AUH: variants seen among roughly 807,000 people sequenced by gnomAD.
The protein encoded by AUH is AU RNA binding methylglutaconyl-CoA hydratase, also known as methylglutaconyl-CoA hydratase, mitochondrial.
AUH carries 29 observed loss-of-function variants against 42.3 expected under a neutral mutation model. The observed-to-expected ratio is 0.69, with a 90% confidence interval of 0.51 to 0.93. The LOEUF (loss-of-function observed/expected upper bound fraction) is 0.93, where lower values mean the gene tolerates loss of function less well. Ranked by LOEUF, AUH falls within the 40% of genes least tolerant of loss-of-function variation. AUH has a pLI of 0.00. For missense variants in AUH, 452 were observed against 438.1 expected (o/e 1.03, Z -0.28); for synonymous variants, 174 against 166.4 (o/e 1.05, Z -0.35).
chr9:91,315,943 T>TA (rs1466002943), intron 4 of AUH, among the ~76,000 whole-genome samples: 3 of 152,238 alleles, frequency 2.0e-5, no homozygotes, highest in Admixed American at 6.5e-5. Context: ...ATTAGTTTTA[T>TA]AAAAAATAAG....
chr9:91,297,746 C>T (rs1382654265), intron 5 of AUH, among the ~76,000 whole-genome samples: 7 of 152,074 alleles, frequency 4.6e-5, no homozygotes, highest in African/African-American at 7.2e-5. Context: ...GTGCAAGCCA[C>T]GCGCCTGGTC....
chr9:91,354,554 C>A (rs903723755), intron 3 of AUH, among the ~76,000 whole-genome samples: 5 of 152,076 alleles, frequency 3.3e-5, no homozygotes, highest in Non-Finnish European at 7.4e-5. Flanking sequence ...ATGCAGAAAT[C>A]TAGAACAAAT....
intron 3 of AUH, among the ~76,000 whole-genome samples, chr9:91,334,492 A>C (rs995283337): frequency 6.6e-6 from 1 of 152,140 alleles, no homozygotes; most frequent in African/African-American, 2.4e-5. Flanking sequence ...CTAGATTTAC[A>C]CTGGCTCCCA....
chr9:91,228,105 T>C (rs1208589021), intron 6 of AUH, among the ~76,000 whole-genome samples: 2 of 152,198 alleles, frequency 1.3e-5, no homozygotes, highest in Admixed American at 1.3e-4. Context: ...TTTCTATTGA[T>C]TGGCATAGTT....
intron 6 of AUH, among the ~76,000 whole-genome samples, chr9:91,260,801 C>T (rs1338689479): frequency 6.6e-6 from 1 of 152,104 alleles, no homozygotes; most frequent in African/African-American, 2.4e-5. Flanking sequence ...AGGCTCTGTT[C>T]GTTATAGTTT....
intron 6 of AUH, among the ~76,000 whole-genome samples, chr9:91,283,040 G>A (rs1826102489): frequency 6.6e-6 from 1 of 152,212 alleles, no homozygotes; most frequent in Non-Finnish European, 1.5e-5. Context: ...TATCCCTGAT[G>A]AACATCGGTG....
At chr9:91,257,841 T>C (rs1829489940) in intron 6 of AUH, among the ~76,000 whole-genome samples, 1 of 152,222 alleles carries the variant, frequency 6.6e-6, no homozygotes, top group African/African-American at 2.4e-5. Flanking sequence ...ATCTACAGAT[T>C]AGTTCAAAGA....
At chr9:91,353,377 G>T (rs138684654) in intron 3 of AUH, among the ~76,000 whole-genome samples, 2 of 152,152 alleles carry the variant, frequency 1.3e-5, no homozygotes, top group African/African-American at 4.8e-5. Context: ...GAGCCACCGC[G>T]CCCAGCAGAG....
chr9:91,239,337 T>C (rs1210832384), intron 6 of AUH, among the ~76,000 whole-genome samples: 1 of 152,214 alleles, frequency 6.6e-6, no homozygotes, highest in Non-Finnish European at 1.5e-5. Flanking sequence ...ATACCACTTT[T>C]GAATTACTTA....
At chr9:91,353,605 C>A (rs902502607) in intron 3 of AUH, among the ~76,000 whole-genome samples, 5 of 151,490 alleles carry the variant, frequency 3.3e-5, no homozygotes, top group African/African-American at 1.2e-4. Flanking sequence ...TTTGGGAGGC[C>A]GAGGTGAGCG....
At chr9:91,356,044 T>C (rs759298044) in intron 2 of AUH, 44 bp downstream of exon 2, 1 of 1,593,218 alleles carries the variant, frequency 6.3e-7, no homozygotes, top group East Asian at 2.2e-5. Flanking sequence ...ATGACAATAA[T>C]ATATCTTAAT....
intron 3 of AUH, among the ~76,000 whole-genome samples, chr9:91,347,521 T>C (rs1183790641): frequency 6.6e-6 from 1 of 152,034 alleles, no homozygotes; most frequent in Non-Finnish European, 1.5e-5. Flanking sequence ...CATGGCTGCT[T>C]TTTCTGACAA....
At chr9:91,311,213 T>C (rs1403648265) in intron 4 of AUH, among the ~76,000 whole-genome samples, 3 of 152,098 alleles carry the variant, frequency 2.0e-5, no homozygotes, top group Admixed American at 1.3e-4. Flanking sequence ...AGACTGAAAA[T>C]TTCCAAAATT....
intron 6 of AUH, among the ~76,000 whole-genome samples, chr9:91,258,229 T>C (rs1829512900): frequency 6.6e-6 from 1 of 152,170 alleles, no homozygotes; most frequent in African/African-American, 2.4e-5. Context: ...ATTCTGTATT[T>C]TTCTTTTTTC....
chr9:91,319,659 T>A (rs1587850021), intron 4 of AUH, among the ~76,000 whole-genome samples: 1 of 152,156 alleles, frequency 6.6e-6, no homozygotes, highest in South Asian at 2.1e-4. Flanking sequence ...AACACGGGGC[T>A]GCAAAGTGGG....
chr9:91,313,295 T>A (rs1828854519), intron 4 of AUH, among the ~76,000 whole-genome samples: 1 of 152,164 alleles, frequency 6.6e-6, no homozygotes, highest in African/African-American at 2.4e-5. Flanking sequence ...AACAATGGCC[T>A]CCCATAATTT....
At chr9:91,296,982 T>A (rs1827388246) in intron 5 of AUH, among the ~76,000 whole-genome samples, 1 of 152,190 alleles carries the variant, frequency 6.6e-6, no homozygotes, top group South Asian at 2.1e-4. Flanking sequence ...TCAGAAACGA[T>A]AATGGAAAGC....
intron 3 of AUH, among the ~76,000 whole-genome samples, chr9:91,354,733 T>C (rs1043460975): frequency 6.6e-6 from 1 of 152,188 alleles, no homozygotes; most frequent in Non-Finnish European, 1.5e-5. Context: ...AAAATTCATA[T>C]AATTGGGCCT....
intron 6 of AUH, among the ~76,000 whole-genome samples, chr9:91,267,239 A>C (rs1349841485): frequency 6.6e-6 from 1 of 152,166 alleles, no homozygotes; most frequent in Non-Finnish European, 1.5e-5. Context: ...AATGTCTTTA[A>C]AAAAAAACTT....
Sources: allele counts gnomAD v4.1 joint callset (sites outside exome capture counted in the v4.1 genomes callset), GRCh38; gene constraint gnomAD v4.1.1; transcripts MANE v1.5; gene names NCBI Gene and HGNC (gene_info 2026-07-23, HGNC 2026-07-21).